Variants in ZFPM1 observed in about 807,000 individuals in gnomAD.
ZFPM1 encodes the protein zinc finger protein ZFPM1.
Under a neutral mutation model 46.3 loss-of-function variants are expected in ZFPM1, and 28 were observed. The ratio of observed to expected loss-of-function variants is 0.60; its 90% CI spans 0.45 to 0.83. The LOEUF (loss-of-function observed/expected upper bound fraction) is 0.83, where lower values mean the gene tolerates loss of function less well. Ranked by LOEUF, ZFPM1 falls within the 40% of genes least tolerant of loss-of-function variation. ZFPM1 has a pLI of 0.00. For synonymous variants in ZFPM1, 957 were observed against 675.9 expected, an observed-to-expected ratio of 1.42 and a Z score of -6.45; for missense variants, 1,878 against 1,432.4, an observed-to-expected ratio of 1.31 and a Z score of -5.02.
chr16:88,527,031 C>T (rs1912391700), intron 5 of ZFPM1, 115 bp downstream of exon 5: 1 of 1,444,764 alleles, frequency 6.9e-7, no homozygotes. Context: ...GGATGGGGCA[C>T]AGGGAGCTGC....
Position 88,502,903 on chromosome 16 carries a change from C to T in ZFPM1, c.269-11484C>T, listed in dbSNP as rs573462832. Among the ~76,000 whole-genome samples, 73 of 152,370 alleles carry T rather than the reference C, an allele frequency of 4.8e-4. No individual in the cohort carries two copies. In the East Asian group the frequency reaches 0.014, roughly 29 times the overall value. On this transcript the variant is annotated intron_variant, in intron 3 of 9. Transcript: ENST00000319555. ...GGTCTCTGCACACACGGTGGCCGGA[C>T]GGCAGATCCGGGGCTGCCCTCAGAG...
rs1364482158 is a variant in ZFPM1 at position 88,534,895 on chromosome 16, C to T, written c.2937C>T (p.Cys979=). The stretch of plus-strand genomic sequence containing the variant: ...GCAACCACCGGTACTGCCGTCTTTG[C>T]AACATCAAGTTCAGCAGCCTGTCCA... ...PNGNHRYCRL[C]NIKFSSLSTF... Residue 979 remains cysteine (C), a synonymous_variant, in exon 10 of 10, where the codon TGC becomes TGT. Coordinates refer to ENST00000319555, the MANE Select transcript of ZFPM1 (RefSeq NM_153813.3). 28 of 1,566,472 alleles carry T rather than the reference C, an allele frequency of 1.8e-5. No homozygotes were observed. Among genetic ancestry groups the T allele is most frequent in the Non-Finnish European group, 2.3e-5 (27 of 1,160,498 alleles).
At chr16:88,470,224 G>A (rs1051995888) in intron 1 of ZFPM1, among the ~76,000 whole-genome samples, 6 of 152,322 alleles carry the variant, frequency 3.9e-5, no homozygotes, top group East Asian at 1.9e-4. Flanking sequence ...TCACTCCTGC[G>A]GGGTCCTTGC....
intron 4 of ZFPM1, among the ~76,000 whole-genome samples, chr16:88,523,898 G>A (rs913151758): frequency 2.6e-5 from 4 of 152,182 alleles, no homozygotes; most frequent in Admixed American, 6.5e-5. Flanking sequence ...CCACATACGC[G>A]GGGTGCACTC....
In ZFPM1 at chr16:88,535,433, C is replaced by T. The variant is rs1482693616; in HGVS notation, c.*454C>T. 6.5e-6 allele frequency: 1 copy of T among 153,548 alleles called. No individual in the cohort carries two copies. Among genetic ancestry groups the T allele is most frequent in the African/African-American group, 2.4e-5 (1 of 41,508 alleles). 9.5% of individuals were successfully genotyped at this position (153,548 alleles called of 1,614,324 possible). A position where few individuals can be genotyped will look rare whatever the true frequency, so the allele number is the denominator to read the frequency against. ...GAGCAGCCTCCACACTGCTGACCCT[C>T]TCCACGGTCTACTTGGCCGCCAGAC... On this transcript the variant is annotated 3_prime_UTR_variant, in exon 10 of 10. Coordinates refer to ENST00000319555, the MANE Select transcript of ZFPM1 (RefSeq NM_153813.3).
rs867507590 is a variant in ZFPM1, at chr16:88,514,517, G to T, written c.399G>T (p.Glu133Asp). 6.4e-7 allele frequency: 1 copy of T among 1,558,348 alleles called. No homozygotes were observed. The highest frequency in any genetic ancestry group is 2.4e-5 in the East Asian group (1 of 41,762). The change falls in exon 4 of 10, where the codon GAG becomes GAT. Residue 133 changes from glutamate to aspartate, a missense_variant. By Grantham distance (45) the Glu-to-Asp change is conservative. Transcript: ENST00000319555. The part of the protein sequence containing the change: ...QTRASSPRQA[E>D]PSPALTLLLV... The stretch of plus-strand genomic sequence containing the variant: ...GAGCCTCATCCCCCAGGCAGGCGGA[G>T]CCGGTAAGAAGCCCCCATCCCCGCC...
chr16:88,536,274 C>T lies in ZFPM1; in HGVS notation c.*1295C>T, dbSNP rs756369334. 2.0e-5 allele frequency: 3 copies of T among 152,172 alleles called. No individual in the cohort carries two copies. Among genetic ancestry groups the T allele is most frequent in the Non-Finnish European group, 4.4e-5 (3 of 68,026 alleles). The allele number at this position is 152,172 out of a possible 1,614,324, so 9.4% of individuals were successfully genotyped here. A position where few individuals can be genotyped will look rare whatever the true frequency, so the allele number is the denominator to read the frequency against. ...GCAGCCTCAAACTCCTGAGCTGAAA[C>T]CATCTTCCTGCCTCAGCCTCCCAAG... On this transcript the variant is annotated 3_prime_UTR_variant, in exon 10 of 10. Coordinates refer to ENST00000319555, the MANE Select transcript of ZFPM1 (RefSeq NM_153813.3).
chr16:88,525,952 C>T (rs1442255271), intron 4 of ZFPM1, among the ~76,000 whole-genome samples: 1 of 152,264 alleles, frequency 6.6e-6, no homozygotes, highest in Non-Finnish European at 1.5e-5. Flanking sequence ...CATGGCATGG[C>T]CCGAGGCACT....
upstream of ZFPM1, among the ~76,000 whole-genome samples, chr16:88,451,925 A>G (rs1284266045): frequency 1.3e-5 from 2 of 152,132 alleles, no homozygotes; most frequent in African/African-American, 4.8e-5. Context: ...ACTCTCCTGT[A>G]CCAGGCTCTG....
intron 2 of ZFPM1, among the ~76,000 whole-genome samples, chr16:88,487,612 TG>T (rs1368117181): frequency 2.0e-5 from 3 of 152,016 alleles, no homozygotes; most frequent in Non-Finnish European, 4.4e-5. Flanking sequence ...GTCCCTGGCT[TG>T]GGAGCGGGAT....
Position 88,533,769 on chromosome 16 carries a change from G to T in ZFPM1, c.1811G>T (p.Arg604Leu). The change falls in exon 10 of 10, where the codon CGT becomes CTT. Residue 604 changes from arginine to leucine, a missense_variant. Arg to Leu is a moderately radical substitution (Grantham distance 102). Coordinates refer to ENST00000319555, the MANE Select transcript of ZFPM1 (RefSeq NM_153813.3). Reference sequence around the variant, plus strand: ...AAGCGCCTCTACTGTTCAGGCCGCCGTGCGCCCGAGGACGCGCCTGCCGCG... The same window carrying T: ...AAGCGCCTCTACTGTTCAGGCCGCCTTGCGCCCGAGGACGCGCCTGCCGCG... ...VHKRLYCSGR[R>L]APEDAPAARR... 7.1e-7 allele frequency: 1 copy of T among 1,416,986 alleles called. No individual in the cohort carries two copies. The highest frequency in any genetic ancestry group is 2.6e-5 in the Admixed American group (1 of 38,340). The allele number at this position is 1,416,986 out of a possible 1,614,324, so 87.8% of individuals were successfully genotyped here.
chr16:88,463,103 A>G (rs914047829), intron 1 of ZFPM1, among the ~76,000 whole-genome samples: 7 of 151,824 alleles, frequency 4.6e-5, no homozygotes, highest in Non-Finnish European at 8.8e-5. Context: ...CCTTTTTTCC[A>G]TCAAGCTCCC....
intron 1 of ZFPM1, among the ~76,000 whole-genome samples, chr16:88,465,923 G>C (rs1334787112): frequency 6.6e-6 from 1 of 152,216 alleles, no homozygotes; most frequent in Non-Finnish European, 1.5e-5. Context: ...GGAGGGACAG[G>C]TGAAGCAGCC....
intron 4 of ZFPM1, among the ~76,000 whole-genome samples, chr16:88,526,342 A>G (rs1041366317): frequency 9.9e-5 from 15 of 152,176 alleles, no homozygotes; most frequent in African/African-American, 3.6e-4. Context: ...GTCATTCTGG[A>G]GGCATCTAGG....
chr16:88,460,964 G>GCCTGGTGAGGACCCAGGGGCGGGAGA (rs1907810821), intron 1 of ZFPM1, among the ~76,000 whole-genome samples: 1 of 41,400 alleles, frequency 2.4e-5, no homozygotes, highest in African/African-American at 1.2e-4. Flanking sequence ...GGGGCGGGAG[G>GCCTGGTGAGGACCCAGGGGCGGGAGA]CCTGGTGAGG....
At chr16:88,484,713 C>A (rs1204955805) in intron 1 of ZFPM1, among the ~76,000 whole-genome samples, 1 of 152,136 alleles carries the variant, frequency 6.6e-6, no homozygotes, top group Non-Finnish European at 1.5e-5. Flanking sequence ...GGGGAGCAGT[C>A]AAACAGGATA....
At chr16:88,473,515 C>T (rs1049120313) in intron 1 of ZFPM1, among the ~76,000 whole-genome samples, 77 of 152,300 alleles carry the variant, frequency 5.1e-4, no homozygotes, top group African/African-American at 1.7e-3. Flanking sequence ...CCCGCTGCCC[C>T]GGGGTCTGGG....
At chr16:88,511,334 C>T (rs1253032673) in intron 3 of ZFPM1, among the ~76,000 whole-genome samples, 7 of 152,100 alleles carry the variant, frequency 4.6e-5, no homozygotes, top group Non-Finnish European at 7.4e-5. Flanking sequence ...AGCCACAGCT[C>T]CCAGTGTGGC....
At chr16:88,526,520 T>C (rs1243071523) in intron 4 of ZFPM1, among the ~76,000 whole-genome samples, 1 of 152,158 alleles carries the variant, frequency 6.6e-6, no homozygotes, top group Non-Finnish European at 1.5e-5. Context: ...TGGAGCATGT[T>C]GCTCGACCTC....
Sources: gnomAD v4.1 joint callset for allele counts (sites outside exome capture counted in the v4.1 genomes callset) on GRCh38, gnomAD v4.1.1 for gene constraint, MANE v1.5 for transcripts, NCBI Gene and HGNC (gene_info 2026-07-23, HGNC 2026-07-21) for gene names.